Variants in CDK14 observed in about 807,000 individuals in gnomAD.
CDK14 encodes cyclin dependent kinase 14.
CDK14 carries 34 observed loss-of-function variants against 60.7 expected under a neutral mutation model. That is an observed-to-expected ratio of 0.56 (90% CI 0.43 to 0.75). The LOEUF (loss-of-function observed/expected upper bound fraction) is 0.75, where lower values mean the gene tolerates loss of function less well. Ranked by LOEUF, CDK14 falls within the 30% of genes least tolerant of loss-of-function variation. The pLI is 0.00. For synonymous variants in CDK14, 197 were observed against 203.7 expected (o/e 0.97, Z 0.28); for missense variants, 482 against 564.1 (o/e 0.85, Z 1.47).
rs562980028 is a variant in CDK14, at chr7:90,960,554, C to T, written c.947+4737C>T. ...TGGGTGGTTAGAAAAAATTTCCATA[C>T]CACTCTTGATATATAGAAAAATGTC... On this transcript the variant is annotated intron_variant, in intron 9 of 14. Transcript: ENST00000380050. Among the ~76,000 whole-genome samples, 356 of 152,126 alleles carry T rather than the reference C, an allele frequency of 2.3e-3. 1 individual carries two copies. Among genetic ancestry groups the T allele is most frequent in the African/African-American group, 8.0e-3 (332 of 41,504 alleles).
intron 9 of CDK14, among the ~76,000 whole-genome samples, chr7:90,956,830 G>A (rs1035355023): frequency 7.1e-6 from 1 of 141,466 alleles, no homozygotes; most frequent in Non-Finnish European, 1.5e-5. Flanking sequence ...TGTTCTCATT[G>A]TTCAATTCCC....
intron 12 of CDK14, among the ~76,000 whole-genome samples, chr7:91,090,225 C>T (rs1224719475): frequency 2.6e-5 from 4 of 152,230 alleles, no homozygotes; most frequent in South Asian, 4.1e-4. Flanking sequence ...CAGTCTCTAC[C>T]GTTCATCTAA....
At chr7:91,089,643 A>G (rs1798746290) in intron 12 of CDK14, among the ~76,000 whole-genome samples, 1 of 151,286 alleles carries the variant, frequency 6.6e-6, no homozygotes, top group African/African-American at 2.4e-5. Flanking sequence ...ATATTTTCCG[A>G]TAGCAAAACA....
intron 2 of CDK14, among the ~76,000 whole-genome samples, chr7:90,720,309 A>G (rs981932081): frequency 1.3e-5 from 2 of 152,170 alleles, no homozygotes; most frequent in African/African-American, 4.8e-5. Context: ...TTTGGAGACA[A>G]GTCATGGCTT....
At chr7:90,634,938 G>A (rs1304104351) in intron 2 of CDK14, among the ~76,000 whole-genome samples, 31 of 152,286 alleles carry the variant, frequency 2.0e-4, no homozygotes, top group African/African-American at 6.3e-4. Context: ...CTTCTTTTGA[G>A]AAGTGTCTGT....
intron 8 of CDK14, among the ~76,000 whole-genome samples, chr7:90,953,938 A>G (rs1794332428): frequency 1.3e-5 from 2 of 152,172 alleles, no homozygotes; most frequent in Non-Finnish European, 2.9e-5. Flanking sequence ...TGCCTGAATT[A>G]ATGTAGGATA....
chr7:90,803,802 C>T (rs1788731570), intron 5 of CDK14, among the ~76,000 whole-genome samples: 1 of 152,122 alleles, frequency 6.6e-6, no homozygotes, highest in Admixed American at 6.6e-5. Flanking sequence ...TTTTACTAAT[C>T]AAGACACTGA....
chr7:91,117,473 C>T (rs1241283304), intron 13 of CDK14, among the ~76,000 whole-genome samples: 2 of 152,188 alleles, frequency 1.3e-5, no homozygotes, highest in East Asian at 3.9e-4. Context: ...TAGACATACG[C>T]ATGGTTTGCC....
intron 10 of CDK14, among the ~76,000 whole-genome samples, chr7:91,033,122 C>T (rs1031882166): frequency 5.3e-5 from 8 of 152,086 alleles, no homozygotes; most frequent in South Asian, 2.1e-4. Flanking sequence ...GTAAAAGCAT[C>T]GTGGATGAAT....
At chr7:90,948,154 A>T (rs1794154730) in intron 8 of CDK14, among the ~76,000 whole-genome samples, 1 of 152,214 alleles carries the variant, frequency 6.6e-6, no homozygotes, top group South Asian at 2.1e-4. Context: ...ATAAATCAGC[A>T]TCATTATGGA....
At chr7:90,729,072 T>C (rs1483882976) in intron 3 of CDK14, among the ~76,000 whole-genome samples, 1 of 151,798 alleles carries the variant, frequency 6.6e-6, no homozygotes, top group African/African-American at 2.4e-5. Context: ...CTCTTCAATC[T>C]GATATCCACT....
At position 90,874,569 on chromosome 7, in the gene CDK14, CG is replaced by C. The variant is rs1266431530; in HGVS notation, c.639+11302del. ...CGGAGTCTCGCTCTGTCGCCCAGGC[CG>C]GACTGCGGACTGCAGTGGCGCAATC... On this transcript the variant is annotated intron_variant, in intron 6 of 14. Coordinates refer to ENST00000380050, the MANE Select transcript of CDK14 (RefSeq NM_001287135.2). 6.9e-3 allele frequency among the ~76,000 whole-genome samples: 831 copies of C among 120,222 alleles called. 36 individuals carry two copies. In the Admixed American group the frequency reaches 0.079, roughly 11 times the overall value. The allele number at this position is 120,222 out of a possible 152,430, so 78.9% of individuals were successfully genotyped here.
At chr7:90,855,214 C>T (rs941689387) in intron 5 of CDK14, among the ~76,000 whole-genome samples, 1 of 152,148 alleles carries the variant, frequency 6.6e-6, no homozygotes, top group Non-Finnish European at 1.5e-5. Flanking sequence ...AAATTACAGG[C>T]TGATACAGGG....
At position 90,649,396 on chromosome 7, in the gene CDK14, T is replaced by TC. The variant is rs1273971842; in HGVS notation, c.123+45148dup. Among the ~76,000 whole-genome samples the TC allele has an allele frequency of 4.6e-3, 207 of 44,644 alleles. 29 individuals are homozygous for TC. Among genetic ancestry groups the TC allele is most frequent in the African/African-American group, 9.2e-3 (92 of 9,956 alleles). The allele number at this position is 44,644 out of a possible 152,430, so 29.3% of individuals were successfully genotyped here. ...TTCCTTCCTTCCTTCCTTCCTTCCT[T>TC]CTTTCTTTCTTTCTTTCTTTCTTTC... On this transcript the variant is annotated intron_variant, in intron 2 of 14. Transcript: ENST00000380050.
In CDK14 at chr7:90,701,925, C is replaced by T. The variant is rs756467870; in HGVS notation, c.124-24642C>T. 4.6e-5 allele frequency among the ~76,000 whole-genome samples: 7 copies of T among 152,086 alleles called. No individual in the cohort carries two copies. In the East Asian group the frequency reaches 5.8e-4, roughly 13 times the overall value. ...GTCTGAGTTGAGCTTCTTTACAGGTCGAGAGACACTGCCACTGGCTGCCTC... is the reference window on the plus strand; with the variant it reads ...GTCTGAGTTGAGCTTCTTTACAGGTTGAGAGACACTGCCACTGGCTGCCTC... On this transcript the variant is annotated intron_variant, in intron 2 of 14. Transcript: ENST00000380050.
chr7:90,790,566 C>A lies in CDK14; in HGVS notation c.465-7C>A. The A allele has an allele frequency of 1.2e-6, 2 of 1,600,500 alleles. No homozygotes were observed. Among genetic ancestry groups the A allele is most frequent in the South Asian group, 2.2e-5 (2 of 89,850 alleles). On this transcript the variant is annotated splice_region_variant and splice_polypyrimidine_tract_variant and intron_variant, in intron 4 of 14. Coordinates refer to ENST00000380050, the MANE Select transcript of CDK14 (RefSeq NM_001287135.2). ...TTATGAATTCACTTATCTTTCATTT[C>A]TCACAGGGTAAATGGGAAGTTGGTA...
At chr7:91,146,957 G>T (rs936619004) in intron 14 of CDK14, among the ~76,000 whole-genome samples, 1 of 151,902 alleles carries the variant, frequency 6.6e-6, no homozygotes, top group African/African-American at 2.4e-5. Context: ...AATTTTATGG[G>T]ACTTTTCTAA....
intron 8 of CDK14, among the ~76,000 whole-genome samples, chr7:90,950,908 G>C (rs1255684220): frequency 6.6e-6 from 1 of 152,100 alleles, no homozygotes; most frequent in African/African-American, 2.4e-5. Context: ...TTTGTTTGTT[G>C]GTTGTTTATT....
chr7:90,631,574 C>A (rs531171269), intron 2 of CDK14, among the ~76,000 whole-genome samples: 1 of 152,264 alleles, frequency 6.6e-6, no homozygotes, highest in South Asian at 2.1e-4. Flanking sequence ...TAGTGATTAA[C>A]AACCAAACCC....
Sources: gnomAD v4.1 joint callset for allele counts (sites outside exome capture counted in the v4.1 genomes callset) on GRCh38, gnomAD v4.1.1 for gene constraint, MANE v1.5 for transcripts, NCBI Gene and HGNC (gene_info 2026-07-23, HGNC 2026-07-21) for gene names.